The following BBOX1 variants were observed in gnomAD, a reference collection of about 807,000 sequenced individuals.
The protein encoded by BBOX1 is gamma-butyrobetaine hydroxylase 1, also known as gamma-butyrobetaine dioxygenase.
In BBOX1, 35 loss-of-function variants were observed where a neutral mutation model predicts 41.6. That is an observed-to-expected ratio of 0.84 (90% confidence interval 0.64 to 1.11). The LOEUF is 1.11. Among genes scored for constraint, BBOX1 ranks in the 50% most tolerant of loss-of-function variants. BBOX1 has a pLI of 0.00. For missense variants in BBOX1, 458 were observed against 460.6 expected (o/e 0.99, Z 0.05); for synonymous variants, 163 against 154.7 (o/e 1.05, Z -0.40).
At chr11:27,058,864 G>A (rs939064486) in intron 4 of BBOX1, among the ~76,000 whole-genome samples, 2 of 152,184 alleles carry the variant, frequency 1.3e-5, no homozygotes, top group Admixed American at 6.5e-5. Context: ...AAAGCAGAGT[G>A]TAAAAGTTTG....
At chr11:27,112,489 A>G (rs1314610314) in intron 5 of BBOX1, among the ~76,000 whole-genome samples, 1 of 151,962 alleles carries the variant, frequency 6.6e-6, no homozygotes, top group Non-Finnish European at 1.5e-5. Context: ...TAGGGACCCC[A>G]GAAATAATGC....
chr11:27,113,373 A>G (rs543640490), intron 5 of BBOX1, among the ~76,000 whole-genome samples: 26 of 152,138 alleles, frequency 1.7e-4, no homozygotes, highest in Non-Finnish European at 2.8e-4. Flanking sequence ...TCACAACACT[A>G]TTCTCAATAG....
chr11:27,065,014 C>T (rs1347680434), intron 4 of BBOX1, among the ~76,000 whole-genome samples: 2 of 152,156 alleles, frequency 1.3e-5, no homozygotes, highest in South Asian at 4.1e-4. Flanking sequence ...AATCAGGCTC[C>T]TCTCTTTCCC....
At chr11:27,102,739 C>T (rs183045073) in intron 5 of BBOX1, among the ~76,000 whole-genome samples, 3 of 152,068 alleles carry the variant, frequency 2.0e-5, no homozygotes, top group Non-Finnish European at 4.4e-5. Flanking sequence ...CTAAGGAAGG[C>T]CTCATAGGAA....
intron 8 of BBOX1, 24 bp from the exon 9 acceptor site, chr11:27,127,269 T>C: frequency 6.2e-7 from 1 of 1,610,562 alleles, no homozygotes; most frequent in South Asian, 1.1e-5. Flanking sequence ...CAATTATTCA[T>C]ATTGGAAAAA....
At chr11:27,053,198 G>A (rs2133955861) in intron 2 of BBOX1, among the ~76,000 whole-genome samples, 1 of 152,288 alleles carries the variant, frequency 6.6e-6, no homozygotes, top group South Asian at 2.1e-4. Flanking sequence ...ACCTTCTAGT[G>A]CAGCATGCAC....
intron 4 of BBOX1, chr11:27,057,527 G>T: frequency 2.1e-6 from 1 of 476,904 alleles, no homozygotes; most frequent in East Asian, 4.2e-5. Flanking sequence ...TACAGAGAAA[G>T]AAACAAAATA....
intron 4 of BBOX1, chr11:27,057,523 G>A (rs1857022127): frequency 2.1e-6 from 1 of 484,624 alleles, no homozygotes; most frequent in African/African-American, 2.0e-5. Context: ...ATTCTACAGA[G>A]AAAGAAACAA....
chr11:27,058,086 A>C (rs1857038384), intron 4 of BBOX1, among the ~76,000 whole-genome samples: 1 of 152,204 alleles, frequency 6.6e-6, no homozygotes, highest in African/African-American at 2.4e-5. Flanking sequence ...CCTATTTTGA[A>C]GATTTATTAC....
rs377355425 is a variant in BBOX1, at chr11:27,055,384, T to C, written c.-38-9T>C. ...GCCTGAGATTCCTTTTAACACTGATTTGTCATAGCAGGTAGCTGACAGCAT... is the reference window on the plus strand; with the variant it reads ...GCCTGAGATTCCTTTTAACACTGATCTGTCATAGCAGGTAGCTGACAGCAT... On this transcript the variant is annotated splice_polypyrimidine_tract_variant and intron_variant, in intron 2 of 8. Transcript: ENST00000263182. 3 of 1,577,772 alleles carry C rather than the reference T, an allele frequency of 1.9e-6. No homozygotes were observed. Among genetic ancestry groups the C allele is most frequent in the Admixed American group, 1.7e-5 (1 of 59,484 alleles).
intron 2 of BBOX1, among the ~76,000 whole-genome samples, chr11:27,051,322 G>A (rs566168641): frequency 6.6e-6 from 1 of 152,096 alleles, no homozygotes; most frequent in Non-Finnish European, 1.5e-5. Flanking sequence ...TCTGCCTTTG[G>A]TTTGAGGGTA....
At chr11:27,042,929 A>G (rs1335173772) in intron 2 of BBOX1, among the ~76,000 whole-genome samples, 1 of 152,194 alleles carries the variant, frequency 6.6e-6, no homozygotes. Flanking sequence ...ATAAAATAAT[A>G]ACAATGTAGT....
At chr11:27,075,173 T>C (rs1857592882) in intron 4 of BBOX1, among the ~76,000 whole-genome samples, 1 of 152,208 alleles carries the variant, frequency 6.6e-6, no homozygotes, top group African/African-American at 2.4e-5. Flanking sequence ...GTGACTTTAA[T>C]GTTTATAGTT....
chr11:27,114,627 T>C, intron 5 of BBOX1, among the ~76,000 whole-genome samples: 1 of 151,814 alleles, frequency 6.6e-6, no homozygotes, highest in East Asian at 1.9e-4. Flanking sequence ...TCAACAAGCA[T>C]GCCAATATCA....
chr11:27,044,911 G>A (rs1352392004), intron 2 of BBOX1, among the ~76,000 whole-genome samples: 1 of 152,038 alleles, frequency 6.6e-6, no homozygotes, highest in Non-Finnish European at 1.5e-5. Context: ...TGGCTATGTG[G>A]GCTCTTTTTT....
At chr11:27,061,332 A>C (rs189155202) in intron 4 of BBOX1, among the ~76,000 whole-genome samples, 29 of 152,334 alleles carry the variant, frequency 1.9e-4, no homozygotes, top group Admixed American at 1.1e-3. Context: ...ACAGGCTGCA[A>C]TCATGAATAA....
intron 4 of BBOX1, among the ~76,000 whole-genome samples, chr11:27,073,138 T>C (rs1183420212): frequency 1.3e-5 from 2 of 152,040 alleles, no homozygotes; most frequent in African/African-American, 4.8e-5. Context: ...ACCTACAGAA[T>C]GGGAGAAAAT....
chr11:27,045,498 G>T (rs1444267648), intron 2 of BBOX1, among the ~76,000 whole-genome samples: 2 of 151,764 alleles, frequency 1.3e-5, no homozygotes, highest in African/African-American at 2.4e-5. Context: ...GGGCATCCTT[G>T]TCTTGTGCCA....
chr11:27,081,621 G>C (rs1857838779), intron 4 of BBOX1, among the ~76,000 whole-genome samples: 1 of 152,098 alleles, frequency 6.6e-6, no homozygotes, highest in Non-Finnish European at 1.5e-5. Context: ...GATTCTTGAG[G>C]AATCACCACA....
Sources: allele counts gnomAD v4.1 joint callset (sites outside exome capture counted in the v4.1 genomes callset), GRCh38; gene constraint gnomAD v4.1.1; transcripts MANE v1.5; gene names NCBI Gene and HGNC (gene_info 2026-07-23, HGNC 2026-07-21).